The following WWC1 variants were observed in gnomAD, a reference collection of about 807,000 sequenced individuals.
WWC1 encodes the protein WW and C2 domain containing 1.
A neutral mutation model predicts 138.4 loss-of-function variants in WWC1; 55 were observed. The ratio of observed to expected loss-of-function variants is 0.40; its 90% CI spans 0.32 to 0.50. WWC1 has a LOEUF of 0.50. WWC1 is among the 20% of genes least tolerant of loss of function. The pLI is 0.72. For synonymous variants in WWC1, 524 were observed against 564.9 expected (o/e 0.93, Z 1.03); for missense variants, 1,226 against 1,420.4 (o/e 0.86, Z 2.20).
intron 19 of WWC1, among the ~76,000 whole-genome samples, chr5:168,459,030 G>A (rs1245656063): frequency 6.6e-6 from 1 of 151,958 alleles, no homozygotes; most frequent in Non-Finnish European, 1.5e-5. Context: ...GAGATGGGAG[G>A]ATCACTTGAG....
At chr5:168,392,645 A>G (rs1373503872) in intron 3 of WWC1, among the ~76,000 whole-genome samples, 2 of 152,212 alleles carry the variant, frequency 1.3e-5, no homozygotes, top group Non-Finnish European at 2.9e-5. Flanking sequence ...GTGAGCTATG[A>G]TTGTGTACAT....
chr5:168,447,259 C>T (rs779195651), intron 17 of WWC1, among the ~76,000 whole-genome samples: 3 of 152,218 alleles, frequency 2.0e-5, no homozygotes, highest in Non-Finnish European at 4.4e-5. Context: ...TCTCTTAGAG[C>T]CTCAAATTAT....
intron 1 of WWC1, among the ~76,000 whole-genome samples, chr5:168,298,239 A>C (rs1581846637): frequency 6.6e-6 from 1 of 151,974 alleles, no homozygotes; most frequent in Non-Finnish European, 1.5e-5. Context: ...GGGATTCACC[A>C]TGTTGGCCAG....
intron 17 of WWC1, among the ~76,000 whole-genome samples, chr5:168,447,006 C>T (rs1040579982): frequency 4.6e-5 from 7 of 152,174 alleles, no homozygotes; most frequent in African/African-American, 1.7e-4. Flanking sequence ...GATCCTGTTT[C>T]TGACCGGTAA....
intron 2 of WWC1, among the ~76,000 whole-genome samples, chr5:168,383,004 T>C (rs1777762621): frequency 6.6e-6 from 1 of 151,844 alleles, no homozygotes. Context: ...GGTAAAACCC[T>C]GTCTCTACTA....
chr5:168,318,895 A>G (rs192708591), intron 1 of WWC1, among the ~76,000 whole-genome samples: 244 of 152,250 alleles, frequency 1.6e-3, no homozygotes, highest in African/African-American at 5.5e-3. Context: ...AATGTTCTCA[A>G]GGTTTATCTA....
chr5:168,295,861 T>A (rs560844894), intron 1 of WWC1, among the ~76,000 whole-genome samples: 84 of 152,252 alleles, frequency 5.5e-4, no homozygotes, highest in African/African-American at 2.0e-3. Context: ...CCGAAATTCC[T>A]GAGGATGGTT....
intron 1 of WWC1, among the ~76,000 whole-genome samples, chr5:168,320,391 G>C (rs1208745318): frequency 1.3e-5 from 2 of 152,126 alleles, no homozygotes; most frequent in East Asian, 3.9e-4. Flanking sequence ...AAAGGCAGTA[G>C]AGTGTAACAT....
chr5:168,411,292 G>A (rs192072741), intron 8 of WWC1, among the ~76,000 whole-genome samples: 2 of 152,254 alleles, frequency 1.3e-5, no homozygotes, highest in East Asian at 3.9e-4. Context: ...GCATTGTGGT[G>A]TGGATGGAAG....
At position 168,357,462 on chromosome 5, in the gene WWC1, G is replaced by A. The variant is rs1393388316; in HGVS notation, c.120-13962G>A. On this transcript the variant is annotated intron_variant, in intron 1 of 22. Transcript: ENST00000265293. Reference sequence around the variant, plus strand: ...CAACCTGCCTTCTGTGTGTGTGTGTGTGTGTGTGTGTGTGTGTGTGTGTGT... The same window carrying A: ...CAACCTGCCTTCTGTGTGTGTGTGTATGTGTGTGTGTGTGTGTGTGTGTGT... 4.3e-3 allele frequency among the ~76,000 whole-genome samples: 533 copies of A among 124,008 alleles called. 1 individual carries two copies. Among genetic ancestry groups the A allele is most frequent in the Non-Finnish European group, 5.6e-3 (330 of 58,758 alleles). 81.4% of individuals were successfully genotyped at this position (124,008 alleles called of 152,430 possible).
chr5:168,293,638 C>A (rs190232162), intron 1 of WWC1, among the ~76,000 whole-genome samples: 2 of 152,128 alleles, frequency 1.3e-5, no homozygotes, highest in African/African-American at 4.8e-5. Flanking sequence ...GCTGCTTCAA[C>A]CTCTGAGCCT....
intron 3 of WWC1, among the ~76,000 whole-genome samples, chr5:168,396,314 C>G (rs1337510250): frequency 6.6e-6 from 1 of 152,152 alleles, no homozygotes; most frequent in African/African-American, 2.4e-5. Context: ...ACCCAGGAGG[C>G]AGAGGTTGTA....
intron 2 of WWC1, among the ~76,000 whole-genome samples, chr5:168,376,893 A>G (rs1340144424): frequency 6.6e-6 from 1 of 152,224 alleles, no homozygotes; most frequent in East Asian, 1.9e-4. Flanking sequence ...TTCATATCAA[A>G]CTACCAGCAT....
intron 1 of WWC1, among the ~76,000 whole-genome samples, chr5:168,300,878 G>A (rs151102056): frequency 1.3e-5 from 2 of 152,220 alleles, no homozygotes; most frequent in African/African-American, 4.8e-5. Context: ...CAGGCATCAG[G>A]TGGCTGCTAG....
At chr5:168,374,994 G>T (rs1777059366) in intron 2 of WWC1, among the ~76,000 whole-genome samples, 1 of 152,218 alleles carries the variant, frequency 6.6e-6, no homozygotes, top group Admixed American at 6.5e-5. Flanking sequence ...GGAGAAAACT[G>T]CAGGGGGAGT....
At position 168,340,168 on chromosome 5, in the gene WWC1, C is replaced by T. The variant is rs189540788; in HGVS notation, c.120-31256C>T. On this transcript the variant is annotated intron_variant, in intron 1 of 22. Transcript: ENST00000265293. ...TCAGCTCACTGCAACCTCCACCTCC[C>T]GGGTTCAAGTGAGTCTCCTGCCTCA... Among the ~76,000 whole-genome samples the T allele has an allele frequency of 7.7e-3, 1,175 of 151,986 alleles. 10 individuals are homozygous for T. The highest frequency in any genetic ancestry group is 0.026 in the African/African-American group (1,086 of 41,452).
chr5:168,339,771 CA>C (rs1416970735), intron 1 of WWC1, among the ~76,000 whole-genome samples: 1 of 149,534 alleles, frequency 6.7e-6, no homozygotes, highest in Non-Finnish European at 1.5e-5. Flanking sequence ...TTAACCCTCA[CA>C]ACGAGACTAT....
intron 19 of WWC1, among the ~76,000 whole-genome samples, chr5:168,459,792 T>A (rs1391530906): frequency 2.0e-5 from 3 of 152,152 alleles, no homozygotes; most frequent in Admixed American, 6.5e-5. Flanking sequence ...AACTGACAGC[T>A]GCTAGACACA....
rs1270945615 is a variant in WWC1 at position 168,471,877 on chromosome 5, A to G, written c.*2860A>G. On this transcript the variant is annotated 3_prime_UTR_variant, in exon 23 of 23. Transcript: ENST00000265293. ...GATCTTGGAGCCTGAATTCATTGGC[A>G]CAAAAGGCAGCAGCATCCTCACTGT... 2 of 152,274 alleles carry G rather than the reference A, an allele frequency of 1.3e-5. No homozygotes were observed. Among genetic ancestry groups the G allele is most frequent in the Non-Finnish European group, 2.9e-5 (2 of 68,060 alleles). 9.4% of individuals were successfully genotyped at this position (152,274 alleles called of 1,614,324 possible). A position where few individuals can be genotyped will look rare whatever the true frequency, so the allele number is the denominator to read the frequency against.
Sources: allele counts gnomAD v4.1 joint callset (sites outside exome capture counted in the v4.1 genomes callset), GRCh38; gene constraint gnomAD v4.1.1; transcripts MANE v1.5; gene names NCBI Gene and HGNC (gene_info 2026-07-23, HGNC 2026-07-21).